The following NUMB variants were observed in gnomAD, a reference collection of about 807,000 sequenced individuals.
NUMB encodes NUMB endocytic adaptor protein, also known as protein numb homolog.
NUMB carries 29 observed loss-of-function variants against 59.7 expected under a neutral mutation model. That is an observed-to-expected ratio of 0.49 (90% confidence interval 0.36 to 0.66). The LOEUF is 0.66. Ranked by LOEUF, NUMB falls within the 30% of genes least tolerant of loss-of-function variation. NUMB has a pLI of 0.00. For synonymous variants in NUMB, 288 were observed against 288.2 expected, an observed-to-expected ratio of 1.00 and a Z score of 0.01; for missense variants, 723 against 822.0, an observed-to-expected ratio of 0.88 and a Z score of 1.47.
rs897926285 is a variant in NUMB at position 73,355,653 on chromosome 14, G to A, written c.99C>T (p.Arg33=). Residue 33 remains arginine (R), a synonymous_variant, in exon 4 of 13, where the codon CGC becomes CGT. Coordinates refer to ENST00000555238, the MANE Select transcript of NUMB (RefSeq NM_001005743.2). The part of the protein sequence containing the change: ...HQWQTDEEGV[R]TGKCSFPVKY... ...TAACCGGGAAGCTACATTTTCCGGT[G>A]CGAACGCCTTCTTCATCTGTCTGCC... 2 of 1,613,608 alleles carry A rather than the reference G, an allele frequency of 1.2e-6. No individual in the cohort carries two copies. Among genetic ancestry groups the A allele is most frequent in the South Asian group, 2.2e-5 (2 of 91,010 alleles).
intron 1 of NUMB, among the ~76,000 whole-genome samples, chr14:73,426,212 A>G (rs945949868): frequency 1.3e-5 from 2 of 152,212 alleles, no homozygotes; most frequent in African/African-American, 4.8e-5. Flanking sequence ...ATAACTATAT[A>G]TAAGTGTATC....
chr14:73,353,883 G>C (rs997451654), intron 4 of NUMB, among the ~76,000 whole-genome samples: 1 of 151,820 alleles, frequency 6.6e-6, no homozygotes, highest in South Asian at 2.1e-4. Context: ...GAAAAAAAAA[G>C]TGTTCATTTT....
At chr14:73,350,058 T>TAC (rs1298584645) in intron 4 of NUMB, among the ~76,000 whole-genome samples, 5 of 111,510 alleles carry the variant, frequency 4.5e-5, no homozygotes, top group African/African-American at 2.4e-4. Flanking sequence ...CATACATACA[T>TAC]ATATACATAC....
At chr14:73,339,014 G>A (rs753640041) in intron 4 of NUMB, among the ~76,000 whole-genome samples, 1 of 152,122 alleles carries the variant, frequency 6.6e-6, no homozygotes, top group Admixed American at 6.5e-5. Flanking sequence ...TGGTATATGA[G>A]TTACCAACAC....
chr14:73,282,207 G>T, intron 11 of NUMB, 152 bp downstream of exon 11: 2 of 629,632 alleles, frequency 3.2e-6, no homozygotes, highest in Non-Finnish European at 5.2e-6. Flanking sequence ...ATCGTCGAAT[G>T]GAGAAATCAA....
chr14:73,383,282 C>A (rs1895340091), intron 2 of NUMB, among the ~76,000 whole-genome samples: 1 of 151,928 alleles, frequency 6.6e-6, no homozygotes, highest in East Asian at 1.9e-4. Context: ...CACCAGAGAA[C>A]TGGAATCTAT....
intron 1 of NUMB, among the ~76,000 whole-genome samples, chr14:73,428,694 G>GCAGGAGTTCAAGCT (rs759187145): frequency 2.5e-4 from 38 of 152,108 alleles, no homozygotes; most frequent in Non-Finnish European, 4.3e-4. Context: ...GGAGCCTGCG[G>GCAGGAGTTCAAGCT]CAGGAGTTCA....
chr14:73,280,990 G>A lies in NUMB; in HGVS notation c.1096+1369C>T, dbSNP rs990647923. ...CAGATGTGAGCCACCGCACCCAGCCGGTGTTGGTACTGTTTACCTAGAGTT... is the reference window on the plus strand; with the variant it reads ...CAGATGTGAGCCACCGCACCCAGCCAGTGTTGGTACTGTTTACCTAGAGTT... On this transcript the variant is annotated intron_variant, in intron 11 of 12. Coordinates refer to ENST00000555238, the MANE Select transcript of NUMB (RefSeq NM_001005743.2). 4.6e-5 allele frequency among the ~76,000 whole-genome samples: 7 copies of A among 151,868 alleles called. No homozygotes were observed. The South Asian group carries it at 8.3e-4, about 18-fold the overall frequency.
At position 73,276,978 on chromosome 14, in the gene NUMB, T is replaced by C. The variant is rs759823339; in HGVS notation, c.1556A>G (p.Tyr519Cys). The change falls in exon 13 of 13, where the codon TAT (tyrosine) becomes TGT (cysteine). Residue 519 changes from tyrosine (Y) to cysteine (C), a missense_variant. Around this residue, in one of 2 missense-constraint regions of NUMB, gnomAD observed 406 missense variants for 385.4 expected, o/e 1.05. Transcript: ENST00000555238. ...QSYPVANGMP[Y>C]PAPNVPVVGI... Reference sequence around the variant, plus strand: ...CACCACAGGCACATTAGGGGCTGGATAGGGCATTCCATTGGCCACAGGATA... The same window carrying C: ...CACCACAGGCACATTAGGGGCTGGACAGGGCATTCCATTGGCCACAGGATA... 21 of 1,613,986 alleles carry C rather than the reference T, an allele frequency of 1.3e-5. No homozygotes were observed. The highest frequency in any genetic ancestry group is 3.3e-5 in the South Asian group (3 of 91,080).
chr14:73,452,544 C>T (rs1219341974), intron 1 of NUMB, among the ~76,000 whole-genome samples: 4 of 152,126 alleles, frequency 2.6e-5, no homozygotes, highest in Non-Finnish European at 5.9e-5. Flanking sequence ...CGTAACTTAT[C>T]AGCAAACAAG....
chr14:73,387,956 C>CAAAAA (rs66701940), intron 2 of NUMB, among the ~76,000 whole-genome samples: 3 of 94,380 alleles, frequency 3.2e-5, no homozygotes, highest in African/African-American at 3.7e-5. Flanking sequence ...CTGTCTCTAC[C>CAAAAA]AAAAAAAAAA....
intron 1 of NUMB, among the ~76,000 whole-genome samples, chr14:73,435,211 T>G (rs1206227543): frequency 6.6e-6 from 1 of 151,314 alleles, no homozygotes; most frequent in Non-Finnish European, 1.5e-5. Context: ...AAACTGCTGA[T>G]GAAGTATTAA....
intron 2 of NUMB, among the ~76,000 whole-genome samples, chr14:73,398,390 C>T (rs1264439946): frequency 1.7e-5 from 2 of 118,134 alleles, no homozygotes; most frequent in African/African-American, 8.8e-5. Flanking sequence ...GAGAGACACA[C>T]ACAGAGAGAG....
At chr14:73,352,477 C>CACATAT (rs1566756099) in intron 4 of NUMB, among the ~76,000 whole-genome samples, 1 of 12,682 alleles carries the variant, frequency 7.9e-5, no homozygotes, top group Admixed American at 2.2e-3. Context: ...CACACACACA[C>CACATAT]ATATATATAT....
intron 4 of NUMB, among the ~76,000 whole-genome samples, chr14:73,326,034 C>T (rs1297404396): frequency 6.6e-6 from 1 of 152,002 alleles, no homozygotes; most frequent in African/African-American, 2.4e-5. Context: ...GCAGGCCAAC[C>T]AGAGCCCTAG....
chr14:73,292,916 T>G, intron 7 of NUMB, 42 bp from the exon 8 acceptor site: 1 of 1,598,120 alleles, frequency 6.3e-7, no homozygotes, highest in Non-Finnish European at 8.6e-7. Flanking sequence ...ACTTATGAGG[T>G]TATCTGAGCT....
At chr14:73,349,873 C>G (rs958663030) in intron 4 of NUMB, among the ~76,000 whole-genome samples, 1 of 149,618 alleles carries the variant, frequency 6.7e-6, no homozygotes. Flanking sequence ...AGCAAGACTC[C>G]GTCTCAAGAA....
At chr14:73,309,198 A>G (rs191445277) in intron 6 of NUMB, among the ~76,000 whole-genome samples, 1 of 152,308 alleles carries the variant, frequency 6.6e-6, no homozygotes, top group Admixed American at 6.5e-5. Flanking sequence ...ATATGAGCAC[A>G]GATGCACTTT....
intron 1 of NUMB, among the ~76,000 whole-genome samples, chr14:73,435,401 G>GT (rs1355573168): frequency 6.6e-6 from 1 of 151,066 alleles, no homozygotes; most frequent in Non-Finnish European, 1.5e-5. Flanking sequence ...AGCCTCCTGA[G>GT]TAGCTGGGAC....
Sources: allele counts gnomAD v4.1 joint callset (sites outside exome capture counted in the v4.1 genomes callset), GRCh38; gene constraint gnomAD v4.1.1; regional missense constraint gnomAD v4.1.1; transcripts MANE v1.5; gene names NCBI Gene and HGNC (gene_info 2026-07-23, HGNC 2026-07-21).